The following TIMMDC1 variants were observed in gnomAD, a reference collection of about 807,000 sequenced individuals.
The protein encoded by TIMMDC1 is translocase of inner mitochondrial membrane domain containing 1, also known as complex I assembly factor TIMMDC1, mitochondrial.
TIMMDC1 carries 25 observed loss-of-function variants against 32.6 expected under a neutral mutation model. The observed-to-expected ratio is 0.77, with a 90% confidence interval of 0.56 to 1.07. TIMMDC1 has a LOEUF of 1.07. TIMMDC1 is among the 50% of genes least tolerant of loss of function. TIMMDC1 has a pLI of 0.00. For synonymous variants in TIMMDC1, 130 were observed against 127.6 expected, an observed-to-expected ratio of 1.02 and a Z score of -0.13; for missense variants, 329 against 349.2, an observed-to-expected ratio of 0.94 and a Z score of 0.46.
chr3:119,513,159 C>CT (rs2081965470), intron 4 of TIMMDC1, among the ~76,000 whole-genome samples: 1 of 152,172 alleles, frequency 6.6e-6, no homozygotes, highest in African/African-American at 2.4e-5. Flanking sequence ...GGAAAGAAGT[C>CT]TTTCTGTGCA....
At chr3:119,518,834 A>T (rs1322120743) in intron 6 of TIMMDC1, among the ~76,000 whole-genome samples, 1 of 152,152 alleles carries the variant, frequency 6.6e-6, no homozygotes, top group Non-Finnish European at 1.5e-5. Context: ...GAAACCTTAC[A>T]AGTCAGGAGA....
chr3:119,503,016 A>T (rs570625667), intron 2 of TIMMDC1, among the ~76,000 whole-genome samples: 1 of 152,112 alleles, frequency 6.6e-6, no homozygotes, highest in Admixed American at 6.5e-5. Flanking sequence ...ATATTTATTT[A>T]TCTATTTATA....
Position 119,498,795 on chromosome 3 carries a change from G to T in TIMMDC1, c.62G>T (p.Arg21Leu). 1 of 1,614,212 alleles carries T rather than the reference G, an allele frequency of 6.2e-7. No homozygotes were observed. The highest frequency in any genetic ancestry group is 8.5e-7 in the Non-Finnish European group (1 of 1,180,032). Residue 21 changes from arginine (R) to leucine (L), a missense_variant, in exon 1 of 7, where the codon CGA becomes CTA. By Grantham distance (102) the Arg-to-Leu change is moderately radical. Transcript: ENST00000494664. Reference protein sequence around the residue: ...FLCRALCLFPRVFAAEAVTAD... With the variant: ...FLCRALCLFPLVFAAEAVTAD... ...TGTAGAGCATTGTGCCTATTTCCCC[G>T]AGTCTTTGCTGCCGAAGCTGTGACT...
intron 2 of TIMMDC1, among the ~76,000 whole-genome samples, chr3:119,502,332 C>T (rs1028840148): frequency 6.6e-6 from 1 of 151,840 alleles, no homozygotes; most frequent in African/African-American, 2.4e-5. Context: ...CAGGCTCACT[C>T]GATTCTCCTG....
chr3:119,498,861 C>T lies in TIMMDC1; in HGVS notation c.128C>T (p.Pro43Leu), dbSNP rs201206536. Residue 43 changes from proline to leucine, a missense_variant, in exon 1 of 7, where the codon CCC (proline) becomes CTC (leucine). Pro to Leu is a moderately conservative substitution (Grantham distance 98). Coordinates refer to ENST00000494664, the MANE Select transcript of TIMMDC1 (RefSeq NM_016589.4). Reference sequence around the variant, plus strand: ...CTTGAGGAGCGTCAGAAGCGGCTTCCCTACGTCCCAGAGCCCTATTACCCG... The same window carrying T: ...CTTGAGGAGCGTCAGAAGCGGCTTCTCTACGTCCCAGAGCCCTATTACCCG... ...EVLEERQKRL[P>L]YVPEPYYPES... 4.3e-6 allele frequency: 7 copies of T among 1,614,190 alleles called. No individual in the cohort carries two copies. In the East Asian group the frequency reaches 1.6e-4, roughly 36 times the overall value.
At chr3:119,506,498 G>A (rs532206089) in intron 4 of TIMMDC1, among the ~76,000 whole-genome samples, 5 of 146,228 alleles carry the variant, frequency 3.4e-5, no homozygotes, top group Admixed American at 6.8e-5. Context: ...CAGCCTGGGC[G>A]ACAGAGCGAG....
chr3:119,509,034 C>A (rs1355250448), intron 4 of TIMMDC1, among the ~76,000 whole-genome samples: 1 of 152,016 alleles, frequency 6.6e-6, no homozygotes, highest in Non-Finnish European at 1.5e-5. Flanking sequence ...GGTGAAACCT[C>A]GCCTCCACTA....
intron 6 of TIMMDC1, among the ~76,000 whole-genome samples, chr3:119,518,576 AG>A (rs1054156098): frequency 6.6e-6 from 1 of 152,134 alleles, no homozygotes; most frequent in Non-Finnish European, 1.5e-5. Context: ...AAATTAAAAA[AG>A]TAAATGAAAC....
intron 3 of TIMMDC1, 72 bp downstream of exon 3, chr3:119,503,692 T>A (rs1347480918): frequency 1.6e-6 from 2 of 1,285,370 alleles, no homozygotes; most frequent in Non-Finnish European, 2.1e-6. Context: ...TTTGAGCAGG[T>A]GGGGTTATGA....
In TIMMDC1 at chr3:119,503,962, A is replaced by G; in HGVS notation, c.458A>G (p.Asn153Ser). 1 of 1,613,398 alleles carries G rather than the reference A, an allele frequency of 6.2e-7. No homozygotes were observed. Among genetic ancestry groups the G allele is most frequent in the Non-Finnish European group, 8.5e-7 (1 of 1,179,452 alleles). Residue 153 changes from asparagine (N) to serine (S), a missense_variant, in exon 4 of 7, where the codon AAC becomes AGC. By Grantham distance (46) the Asn-to-Ser change is conservative. Transcript: ENST00000494664. Reference protein sequence around the residue: ...AVFVTIFNTVNTSLNVYRNKD... With the variant: ...AVFVTIFNTVSTSLNVYRNKD... The stretch of plus-strand genomic sequence containing the variant: ...TCCTCCCTTTTTACCAGCACAGTGA[A>G]CACTAGTCTGAATGTATACCGAAAT...
chr3:119,505,688 G>T (rs61143536), intron 4 of TIMMDC1, among the ~76,000 whole-genome samples: 6,752 of 152,056 alleles, frequency 0.044, 467 homozygotes, highest in African/African-American at 0.15. Flanking sequence ...GTTTTTAAAT[G>T]TTTTTTTGGG....
At chr3:119,502,356 A>C (rs988937724) in intron 2 of TIMMDC1, among the ~76,000 whole-genome samples, 1 of 151,514 alleles carries the variant, frequency 6.6e-6, no homozygotes, top group Non-Finnish European at 1.5e-5. Context: ...CAGCCTCCCA[A>C]GTAGCTGGGA....
intron 6 of TIMMDC1, 63 bp downstream of exon 6, chr3:119,517,378 C>A (rs1410546277): frequency 3.8e-6 from 4 of 1,048,182 alleles, no homozygotes; most frequent in Non-Finnish European, 6.0e-6. Context: ...TATAGTGGTG[C>A]TCTTTTAAAC....
chr3:119,504,157 T>A, intron 4 of TIMMDC1, 136 bp downstream of exon 4: 1 of 658,312 alleles, frequency 1.5e-6, no homozygotes, highest in Non-Finnish European at 2.7e-6. Context: ...CAAAATGTAT[T>A]TATGGACAGT....
At chr3:119,504,236 G>A (rs548802841) in intron 4 of TIMMDC1, among the ~76,000 whole-genome samples, 7 of 152,296 alleles carry the variant, frequency 4.6e-5, no homozygotes, top group Middle Eastern at 6.8e-3. Flanking sequence ...GAATTTTAAT[G>A]TCTAATATGT....
At chr3:119,499,768 G>C (rs1441405052) in intron 1 of TIMMDC1, among the ~76,000 whole-genome samples, 1 of 152,184 alleles carries the variant, frequency 6.6e-6, no homozygotes, top group Non-Finnish European at 1.5e-5. Flanking sequence ...ACTTAAGACA[G>C]CTATTTGTTA....
intron 4 of TIMMDC1, among the ~76,000 whole-genome samples, chr3:119,506,354 G>A (rs11709468): frequency 6.6e-6 from 1 of 151,796 alleles, no homozygotes; most frequent in Non-Finnish European, 1.5e-5. Flanking sequence ...TGGCAAGACC[G>A]TGTGTGTGCA....
In TIMMDC1 at chr3:119,523,722, AC is replaced by A. The variant is rs768097417; in HGVS notation, c.827del (p.Pro276LeufsTer3). ...GAAGCACTGCTAAACCTTCCTAGAA[AC>A]CCTTCAGTAATAGATAAACAAGACA... Reference protein sequence around the residue: ...KIEALLNLPRNPSVIDKQDKD With the variant: ...KIEALLNLPRXPSVIDKQDKD On this transcript the variant is annotated frameshift_variant, in exon 7 of 7. Coordinates refer to ENST00000494664, the MANE Select transcript of TIMMDC1 (RefSeq NM_016589.4). LOFTEE classifies it high-confidence loss of function. The A allele has an allele frequency of 6.8e-6, 11 of 1,611,948 alleles. No homozygotes were observed. The African/African-American group carries it at 1.3e-4, about 20-fold the overall frequency.
At chr3:119,512,629 A>G (rs1293817610) in intron 4 of TIMMDC1, among the ~76,000 whole-genome samples, 1 of 152,042 alleles carries the variant, frequency 6.6e-6, no homozygotes, top group Non-Finnish European at 1.5e-5. Context: ...ATCAGAAAAA[A>G]AGACTAACTT....
Sources: gnomAD v4.1 joint callset for allele counts (sites outside exome capture counted in the v4.1 genomes callset) on GRCh38, gnomAD v4.1.1 for gene constraint, MANE v1.5 for transcripts, NCBI Gene and HGNC (gene_info 2026-07-23, HGNC 2026-07-21) for gene names.